The following TXNDC8 variants were observed in gnomAD, a reference collection of about 807,000 sequenced individuals.
TXNDC8 encodes thioredoxin domain-containing protein 8.
A neutral mutation model predicts 12.9 loss-of-function variants in TXNDC8; 15 were observed. The ratio of observed to expected loss-of-function variants is 1.16; its 90% CI spans 0.78 to 1.79. TXNDC8 has a LOEUF of 1.79. TXNDC8 is among the 40% of genes most tolerant of loss of function. The pLI is 0.00. For missense variants in TXNDC8, 128 were observed against 113.2 expected (o/e 1.13, Z -0.59); for synonymous variants, 40 against 35.4 (o/e 1.13, Z -0.46).
intron 3 of TXNDC8, among the ~76,000 whole-genome samples, chr9:110,325,318 C>T (rs1839265945): frequency 6.6e-6 from 1 of 151,974 alleles, no homozygotes; most frequent in South Asian, 2.1e-4. Flanking sequence ...TATTATGATT[C>T]ATGTATAAAT....
At chr9:110,316,651 C>T (rs1326157707) in intron 3 of TXNDC8, among the ~76,000 whole-genome samples, 1 of 152,228 alleles carries the variant, frequency 6.6e-6, no homozygotes, top group African/African-American at 2.4e-5. Context: ...TGGCCTTCTT[C>T]TCAACTTGTT....
At chr9:110,311,910 T>A (rs1235133481) in intron 3 of TXNDC8, among the ~76,000 whole-genome samples, 1 of 149,914 alleles carries the variant, frequency 6.7e-6, no homozygotes, top group Non-Finnish European at 1.5e-5. Flanking sequence ...TTTTTTAAGA[T>A]GAAGTTTCAC....
intron 3 of TXNDC8, among the ~76,000 whole-genome samples, chr9:110,320,124 A>T (rs750163960): frequency 1.2e-3 from 182 of 152,314 alleles, no homozygotes; most frequent in Non-Finnish European, 2.3e-3. Flanking sequence ...TGGTTGGCTT[A>T]TATTTAAGCA....
intron 3 of TXNDC8, among the ~76,000 whole-genome samples, chr9:110,320,624 T>C (rs1156710384): frequency 6.6e-6 from 1 of 152,242 alleles, no homozygotes; most frequent in African/African-American, 2.4e-5. Context: ...ATCCTAGTAT[T>C]ATCTCACATT....
At chr9:110,313,051 G>A (rs1838745183) in intron 3 of TXNDC8, among the ~76,000 whole-genome samples, 1 of 152,010 alleles carries the variant, frequency 6.6e-6, no homozygotes, top group South Asian at 2.1e-4. Flanking sequence ...GATTACAGAT[G>A]CCCGCCACCT....
chr9:110,330,717 T>C (rs1246318961), intron 2 of TXNDC8, among the ~76,000 whole-genome samples: 2 of 152,214 alleles, frequency 1.3e-5, no homozygotes, highest in Non-Finnish European at 2.9e-5. Context: ...TAGTTGCCCA[T>C]CTGTTTTTGT....
downstream of TXNDC8, among the ~76,000 whole-genome samples, chr9:110,303,151 G>A (rs1838305833): frequency 1.3e-5 from 2 of 152,170 alleles, no homozygotes; most frequent in South Asian, 4.1e-4. Context: ...AAGTGCACGA[G>A]GGCACTAAGA....
chr9:110,316,777 T>C (rs1427505138), intron 3 of TXNDC8, among the ~76,000 whole-genome samples: 1 of 152,208 alleles, frequency 6.6e-6, no homozygotes, highest in African/African-American at 2.4e-5. Context: ...AATGCAAGAG[T>C]GCTTTTCTTC....
intron 3 of TXNDC8, among the ~76,000 whole-genome samples, chr9:110,311,912 A>C (rs989574601): frequency 5.4e-5 from 8 of 148,826 alleles, no homozygotes; most frequent in African/African-American, 2.0e-4. Context: ...TTTTAAGATG[A>C]AGTTTCACTC....
chr9:110,309,330 T>TTTTA (rs927158644), intron 3 of TXNDC8, among the ~76,000 whole-genome samples: 3 of 151,962 alleles, frequency 2.0e-5, no homozygotes, highest in East Asian at 1.9e-4. Context: ...CAAAAATTAA[T>TTTTA]TTTATTTATT....
chr9:110,305,564 TTCTTTCTTTC>T (rs1206833585), intron 3 of TXNDC8, among the ~76,000 whole-genome samples: 5 of 134,070 alleles, frequency 3.7e-5, no homozygotes, highest in Admixed American at 7.5e-5. Context: ...CTTTCTTTCT[TTCTTTCTTTC>T]TTTCTTTCTT....
At chr9:110,331,378 C>T (rs369154245) in intron 2 of TXNDC8, among the ~76,000 whole-genome samples, 2 of 152,138 alleles carry the variant, frequency 1.3e-5, no homozygotes, top group South Asian at 2.1e-4. Flanking sequence ...CATGGCCTCC[C>T]GTTTCCCATG....
chr9:110,301,738 G>A (rs1838274374), downstream of TXNDC8, among the ~76,000 whole-genome samples: 1 of 152,188 alleles, frequency 6.6e-6, no homozygotes, highest in Admixed American at 6.5e-5. Context: ...GAAAAGCAGA[G>A]GACAGGAATA....
intron 3 of TXNDC8, among the ~76,000 whole-genome samples, chr9:110,305,676 TACTC>T (rs1197449990): frequency 1.3e-5 from 2 of 149,094 alleles, no homozygotes; most frequent in Non-Finnish European, 3.0e-5. Context: ...TTCTCTTTCT[TACTC>T]TCTTTCTTTC....
intron 1 of TXNDC8, among the ~76,000 whole-genome samples, chr9:110,335,757 C>T (rs1839726600): frequency 6.6e-6 from 1 of 152,120 alleles, no homozygotes; most frequent in Non-Finnish European, 1.5e-5. Context: ...GCCCTAATTG[C>T]ATTGTGTGCT....
At chr9:110,308,674 A>C (rs1390475570) in intron 3 of TXNDC8, among the ~76,000 whole-genome samples, 1 of 152,176 alleles carries the variant, frequency 6.6e-6, no homozygotes, top group African/African-American at 2.4e-5. Context: ...TGTCTTTAAA[A>C]AAAAAAAGGT....
intron 4 of TXNDC8, among the ~76,000 whole-genome samples, chr9:110,303,915 C>T (rs1312626308): frequency 6.6e-6 from 1 of 152,118 alleles, no homozygotes; most frequent in African/African-American, 2.4e-5. Context: ...ACATTGGTAT[C>T]GAGGATTTGT....
At position 110,326,940 on chromosome 9, in the gene TXNDC8, G is replaced by GCACACACACACACACACA. The variant is rs377527245; in HGVS notation, c.130-718_130-701dup. On this transcript the variant is annotated intron_variant, in intron 2 of 4. Coordinates refer to ENST00000423740, the MANE Select transcript of TXNDC8 (RefSeq NM_001286946.2). ...TTAAATCTCTTGCCCTGCTACTCAT[G>GCACACACACACACACACA]CACACACACACACACACACACACAC... Among the ~76,000 whole-genome samples, 856 of 143,006 alleles carry GCACACACACACACACACA rather than the reference G, an allele frequency of 6.0e-3. 12 individuals carry two copies. Among genetic ancestry groups the GCACACACACACACACACA allele is most frequent in the African/African-American group, 8.8e-3 (336 of 38,244 alleles). 93.8% of individuals were successfully genotyped at this position (143,006 alleles called of 152,430 possible). A position where few individuals can be genotyped will look rare whatever the true frequency, so the allele number is the denominator to read the frequency against.
intron 3 of TXNDC8, among the ~76,000 whole-genome samples, chr9:110,305,778 CT>C (rs376527807): frequency 4.3e-5 from 4 of 93,656 alleles, no homozygotes; most frequent in East Asian, 5.3e-4. Context: ...CTTTTCTTTT[CT>C]TTTCTTTTCT....
Sources: gnomAD v4.1 joint callset for allele counts (sites outside exome capture counted in the v4.1 genomes callset) on GRCh38, gnomAD v4.1.1 for gene constraint, MANE v1.5 for transcripts, NCBI Gene and HGNC (gene_info 2026-07-23, HGNC 2026-07-21) for gene names.